Variants in BNC1 observed in about 807,000 individuals in gnomAD.
BNC1 encodes basonuclin zinc finger protein 1, also known as zinc finger protein basonuclin-1.
In BNC1, 8 loss-of-function variants were observed where a neutral mutation model predicts 66.5. The observed-to-expected ratio is 0.12, with a 90% CI of 0.07 to 0.22. BNC1 has a LOEUF of 0.22. Ranked by LOEUF, BNC1 falls within the 10% of genes least tolerant of loss-of-function variation. The pLI, the probability that BNC1 is intolerant of heterozygous loss-of-function variation, is 1.00. For missense variants in BNC1, 1,069 were observed against 1,241.3 expected, an observed-to-expected ratio of 0.86 and a Z score of 2.09; for synonymous variants, 454 against 452.6, an observed-to-expected ratio of 1.00 and a Z score of -0.04.
At chr15:83,268,980 C>T (rs1321424667) in intron 1 of BNC1, among the ~76,000 whole-genome samples, 5 of 152,232 alleles carry the variant, frequency 3.3e-5, no homozygotes, top group Non-Finnish European at 7.3e-5. Flanking sequence ...AATCCCAGCA[C>T]TTTGGAAGGC....
intron 1 of BNC1, among the ~76,000 whole-genome samples, chr15:83,276,756 T>C (rs1398568958): frequency 6.6e-6 from 1 of 152,230 alleles, no homozygotes; most frequent in African/African-American, 2.4e-5. Flanking sequence ...GGTCATGCCC[T>C]AAGGATGGCT....
In BNC1 at chr15:83,283,486, CGCTCGCAGGT is replaced by C. The variant is rs1245595883; in HGVS notation, c.99+1034_99+1043del. The C allele has an allele frequency of 1.3e-5, 13 of 985,234 alleles. No individual in the cohort carries two copies. The Admixed American group carries it at 5.5e-4, about 42-fold the overall frequency. The allele number at this position is 985,234 out of a possible 1,614,324, so 61.0% of individuals were successfully genotyped here. On this transcript the variant is annotated intron_variant, in intron 1 of 4. Coordinates refer to ENST00000345382, the MANE Select transcript of BNC1 (RefSeq NM_001717.4). ...GCGCTCCCGAGACGGGCGAGCCACG[CGCTCGCAGGT>C]CCCAAGGCCAGGCTGGGCGGGACTG...
chr15:83,271,420 G>C (rs2038268583), intron 1 of BNC1, among the ~76,000 whole-genome samples: 1 of 152,154 alleles, frequency 6.6e-6, no homozygotes, highest in Non-Finnish European at 1.5e-5. Context: ...ACAGTAAATA[G>C]CAACAGCATT....
chr15:83,268,182 T>C lies in BNC1; in HGVS notation c.150A>G (p.Lys50=). The C allele has an allele frequency of 6.2e-7, 1 of 1,614,162 alleles. No homozygotes were observed. Among genetic ancestry groups the C allele is most frequent in the Non-Finnish European group, 8.5e-7 (1 of 1,180,032 alleles). The change falls in exon 2 of 5, where the codon AAA becomes AAG. Residue 50 remains lysine, a synonymous_variant. Transcript: ENST00000345382. ...NCSCQSFKPG[K]INHRQCDQCK... is the part of the protein sequence containing the mutation. Reference sequence around the variant, plus strand: ...ATTGGTCACACTGACGGTGGTTTATTTTCCCGGGTTTGAAACTTTGGCAAC... The same window carrying C: ...ATTGGTCACACTGACGGTGGTTTATCTTCCCGGGTTTGAAACTTTGGCAAC...
At position 83,256,022 on chromosome 15, in the gene BNC1, T is replaced by C. The variant is rs984538805; in HGVS notation, c.*1420A>G. On this transcript the variant is annotated 3_prime_UTR_variant, in exon 5 of 5. Coordinates refer to ENST00000345382, the MANE Select transcript of BNC1 (RefSeq NM_001717.4). Reference sequence around the variant, plus strand: ...AACAGTTGAAAGATACATTTCACTTTAAATAGAAACAAGTTTTAAGTTGTC... The same window carrying C: ...AACAGTTGAAAGATACATTTCACTTCAAATAGAAACAAGTTTTAAGTTGTC... The C allele has an allele frequency of 6.5e-5, 10 of 152,764 alleles. No individual in the cohort carries two copies. The highest frequency in any genetic ancestry group is 1.9e-4 in the African/African-American group (8 of 41,584). 9.5% of individuals were successfully genotyped at this position (152,764 alleles called of 1,614,324 possible).
chr15:83,265,767 C>T (rs897221789), intron 3 of BNC1, among the ~76,000 whole-genome samples: 1 of 152,152 alleles, frequency 6.6e-6, no homozygotes, highest in Non-Finnish European at 1.5e-5. Context: ...AGTGAAATGA[C>T]TTTCAGCATG....
At chr15:83,284,031 G>C (rs1181563823) in intron 1 of BNC1, among the ~76,000 whole-genome samples, 4 of 151,740 alleles carry the variant, frequency 2.6e-5, no homozygotes, top group Middle Eastern at 6.8e-3. Flanking sequence ...CCGTTCTCCA[G>C]AGAAACAATC....
intron 1 of BNC1, among the ~76,000 whole-genome samples, chr15:83,274,426 T>C (rs1306833994): frequency 6.6e-6 from 1 of 152,114 alleles, no homozygotes; most frequent in Non-Finnish European, 1.5e-5. Context: ...AGCCCCTTGG[T>C]CACACTAGCC....
intron 4 of BNC1, among the ~76,000 whole-genome samples, chr15:83,260,502 G>A (rs2038128726): frequency 1.3e-5 from 2 of 152,156 alleles, no homozygotes; most frequent in Non-Finnish European, 2.9e-5. Context: ...TACTGGTGTA[G>A]ACATATCCCT....
chr15:83,273,868 CCAGA>C (rs1455807580), intron 1 of BNC1, among the ~76,000 whole-genome samples: 1 of 152,104 alleles, frequency 6.6e-6, no homozygotes, highest in Non-Finnish European at 1.5e-5. Flanking sequence ...ATATTCAGTG[CCAGA>C]CAGAGTAGGT....
intron 4 of BNC1, among the ~76,000 whole-genome samples, chr15:83,261,333 A>G (rs1236993925): frequency 2.0e-5 from 3 of 152,192 alleles, no homozygotes; most frequent in South Asian, 2.1e-4. Context: ...GCTAAAGACA[A>G]TAAGTATGTT....
At position 83,262,966 on chromosome 15, in the gene BNC1, C is replaced by T. The variant is rs149869226; in HGVS notation, c.2285G>A (p.Arg762His). 7.5e-6 allele frequency: 12 copies of T among 1,607,522 alleles called. No homozygotes were observed. Among genetic ancestry groups the T allele is most frequent in the Middle Eastern group, 1.7e-4 (1 of 5,982 alleles). The change falls in exon 4 of 5, where the codon CGC (arginine) becomes CAC (histidine). Residue 762 changes from arginine (R) to histidine (H), a missense_variant. Physicochemically the swap from Arg to His is conservative, Grantham distance 29. This residue lies in a region of BNC1 where 657 missense variants were observed against 715.8 expected (regional missense o/e 0.92). Coordinates refer to ENST00000345382, the MANE Select transcript of BNC1 (RefSeq NM_001717.4). Reference sequence around the variant, plus strand: ...GATGCCTTACCTGTCTCTGCTCCTGCGGGAGGGAAAGGTAGCATTACAGCC... The same window carrying T: ...GATGCCTTACCTGTCTCTGCTCCTGTGGGAGGGAAAGGTAGCATTACAGCC... Reference protein sequence around the residue: ...VEGCNATFPSRRSRDRHSSNL... With the variant: ...VEGCNATFPSHRSRDRHSSNL...
Position 83,257,114 on chromosome 15 carries a change from G to C in BNC1, c.*328C>G. The C allele has an allele frequency of 3.0e-6, 1 of 332,182 alleles. No individual in the cohort carries two copies. Among genetic ancestry groups the C allele is most frequent in the Non-Finnish European group, 5.5e-6 (1 of 182,128 alleles). The allele number at this position is 332,182 out of a possible 1,614,324, so 20.6% of individuals were successfully genotyped here. A position where few individuals can be genotyped will look rare whatever the true frequency, so the allele number is the denominator to read the frequency against. On this transcript the variant is annotated 3_prime_UTR_variant, in exon 5 of 5. Coordinates refer to ENST00000345382, the MANE Select transcript of BNC1 (RefSeq NM_001717.4). ...CAAGCCTCATTTAAAGCCACCCCCA[G>C]GTCCTGGGCCCACTGGTGTCGATCT...
At chr15:83,265,991 T>C (rs1333643256) in intron 3 of BNC1, among the ~76,000 whole-genome samples, 1 of 152,178 alleles carries the variant, frequency 6.6e-6, no homozygotes, top group Non-Finnish European at 1.5e-5. Context: ...CTTTGACATT[T>C]TCTAATGTAA....
At chr15:83,282,826 TG>T (rs1320187005) in intron 1 of BNC1, among the ~76,000 whole-genome samples, 1 of 152,256 alleles carries the variant, frequency 6.6e-6, no homozygotes, top group Non-Finnish European at 1.5e-5. Context: ...TTGCTACATC[TG>T]CTCTGTGGTC....
chr15:83,268,018 A>G, intron 2 of BNC1, 115 bp downstream of exon 2: 1 of 826,000 alleles, frequency 1.2e-6, no homozygotes, highest in Non-Finnish European at 2.0e-6. Context: ...CATGCTAGTA[A>G]CTTACTAGTT....
At chr15:83,267,119 AAGAG>A (rs754547600) in intron 2 of BNC1, 48 bp from the exon 3 acceptor site, 3 of 1,492,558 alleles carry the variant, frequency 2.0e-6, no homozygotes, top group Non-Finnish European at 2.8e-6. Context: ...TTCTAATTGT[AAGAG>A]AAACACTGCA....
Position 83,262,956 on chromosome 15 carries a change from T to C in BNC1, c.2295A>G (p.Arg765=). 4 of 1,604,824 alleles carry C rather than the reference T, an allele frequency of 2.5e-6. No homozygotes were observed. Among genetic ancestry groups the C allele is most frequent in the Non-Finnish European group, 3.4e-6 (4 of 1,174,732 alleles). The change falls in exon 4 of 5, where the codon AGA becomes AGG. Residue 765 remains arginine, a synonymous_variant. Transcript: ENST00000345382. Reference sequence around the variant, plus strand: ...ATTGCCTACAGATGCCTTACCTGTCTCTGCTCCTGCGGGAGGGAAAGGTAG... The same window carrying C: ...ATTGCCTACAGATGCCTTACCTGTCCCTGCTCCTGCGGGAGGGAAAGGTAG... ...CNATFPSRRS[R]DRHSSNLNLH... is the part of the protein sequence containing the mutation.
chr15:83,261,843 T>C (rs2038144992), intron 4 of BNC1, among the ~76,000 whole-genome samples: 1 of 152,156 alleles, frequency 6.6e-6, no homozygotes, highest in Admixed American at 6.5e-5. Flanking sequence ...AAACCTTCAA[T>C]CAAGCAGTGA....
Sources: allele counts gnomAD v4.1 joint callset (sites outside exome capture counted in the v4.1 genomes callset), GRCh38; gene constraint gnomAD v4.1.1; regional missense constraint gnomAD v4.1.1; transcripts MANE v1.5; gene names NCBI Gene and HGNC (gene_info 2026-07-23, HGNC 2026-07-21).